PCDHGB4: variants seen among roughly 807,000 people sequenced by gnomAD.
PCDHGB4 encodes protocadherin gamma-B4.
Under a neutral mutation model 60.5 loss-of-function variants are expected in PCDHGB4, and 38 were observed. The ratio of observed to expected loss-of-function variants is 0.63; its 90% CI spans 0.48 to 0.82. PCDHGB4 has a LOEUF of 0.82. Ranked by LOEUF, PCDHGB4 falls within the 40% of genes least tolerant of loss-of-function variation. The pLI, the probability that PCDHGB4 is intolerant of heterozygous loss-of-function variation, is 0.00. For missense variants in PCDHGB4, 1,109 were observed against 1,209.6 expected (o/e 0.92, Z 1.23); for synonymous variants, 456 against 509.7 (o/e 0.89, Z 1.42).
In PCDHGB4 at chr5:141,451,935, A is replaced by G. The variant is rs148815534; in HGVS notation, c.2398-42872A>G. Among the ~76,000 whole-genome samples, 120 of 152,282 alleles carry G rather than the reference A, an allele frequency of 7.9e-4. 5 individuals carry two copies. The East Asian group carries it at 0.017, about 21-fold the overall frequency. ...GAGGAAGGAAGGGAGGTAGGGAGGC[A>G]GGGAAAGACCGAGAAAGTGACATAC... On this transcript the variant is annotated intron_variant, in intron 1 of 3. Coordinates refer to ENST00000519479, the MANE Select transcript of PCDHGB4 (RefSeq NM_003736.4).
chr5:141,459,545 T>G (rs534173050), intron 1 of PCDHGB4, among the ~76,000 whole-genome samples: 81 of 152,348 alleles, frequency 5.3e-4, no homozygotes, highest in South Asian at 1.0e-3. Context: ...TTTTTTTATT[T>G]CTCTTGGATA....
intron 1 of PCDHGB4, chr5:141,395,582 G>T (rs1200378126): frequency 5.5e-6 from 1 of 181,100 alleles, no homozygotes; most frequent in Non-Finnish European, 1.1e-5. Flanking sequence ...GTGTGTGTGT[G>T]TGTGTGTGTA....
In PCDHGB4 at chr5:141,487,456, G is replaced by A. The variant is rs1041154635; in HGVS notation, c.2398-7351G>A. Reference sequence around the variant, plus strand: ...AGCTAGGGTCAGATGACCCTATCAAGTTTGTTGATGTGGGAGGCCACTCTC... The same window carrying A: ...AGCTAGGGTCAGATGACCCTATCAAATTTGTTGATGTGGGAGGCCACTCTC... On this transcript the variant is annotated intron_variant, in intron 1 of 3. Coordinates refer to ENST00000519479, the MANE Select transcript of PCDHGB4 (RefSeq NM_003736.4). The surrounding 1 kb of genome is among the most constrained non-coding windows in gnomAD (Gnocchi z 5.0). 6.2e-7 allele frequency: 1 copy of A among 1,614,196 alleles called. No individual in the cohort carries two copies. The highest frequency in any genetic ancestry group is 8.5e-7 in the Non-Finnish European group (1 of 1,180,026).
At chr5:141,500,488 C>A (rs569168291) in intron 2 of PCDHGB4, among the ~76,000 whole-genome samples, 2 of 152,060 alleles carry the variant, frequency 1.3e-5, no homozygotes, top group East Asian at 3.9e-4. Flanking sequence ...GGATTACAGG[C>A]GTGAGCCACC....
chr5:141,505,705 GAA>G (rs1250788277), intron 3 of PCDHGB4, among the ~76,000 whole-genome samples: 1 of 152,198 alleles, frequency 6.6e-6, no homozygotes, highest in Non-Finnish European at 1.5e-5. Flanking sequence ...AGCGAACAAG[GAA>G]AAGACTCATG....
chr5:141,393,108 A>G (rs1318511234), intron 1 of PCDHGB4: 6 of 1,613,438 alleles, frequency 3.7e-6, no homozygotes, highest in Non-Finnish European at 5.1e-6. Context: ...CTGCGCTCAG[A>G]GCCCGCGGTG....
At chr5:141,474,671 A>G (rs2099352865) in intron 1 of PCDHGB4, among the ~76,000 whole-genome samples, 1 of 152,204 alleles carries the variant, frequency 6.6e-6, no homozygotes, top group South Asian at 2.1e-4. Context: ...TACCTAACCT[A>G]TGTGCCTACC....
Position 141,432,503 on chromosome 5 carries a change from G to A in PCDHGB4, c.2397+42222G>A, listed in dbSNP as rs939325676. On this transcript the variant is annotated intron_variant, in intron 1 of 3. Transcript: ENST00000519479. This position sits in a 1 kb window ranked among gnomAD's most constrained non-coding sequence, Gnocchi z 6.0. ...TGGCGTGGAGCTGGCTCCCCGCTCC[G>A]CAGAGCCCGGCTACCTGGTGACCAA... 5 of 1,613,988 alleles carry A rather than the reference G, an allele frequency of 3.1e-6. No individual in the cohort carries two copies. Among genetic ancestry groups the A allele is most frequent in the Non-Finnish European group, 2.5e-6 (3 of 1,180,038 alleles).
chr5:141,408,870 G>A (rs780987841), intron 1 of PCDHGB4: 1 of 1,613,656 alleles, frequency 6.2e-7, no homozygotes, highest in South Asian at 1.1e-5. Context: ...CCACCAAGAA[G>A]TGCCACCGCT....
rs370264318 is a variant in PCDHGB4, at chr5:141,403,767, G to C, written c.2397+13486G>C. 1.0e-4 allele frequency: 169 copies of C among 1,613,880 alleles called. No homozygotes were observed. In the East Asian group the frequency reaches 1.6e-3, roughly 16 times the overall value. Reference sequence around the variant, plus strand: ...GCAACAGCCAGCGACCTGGATGAGGGAATCAACGGAAAAGTGGCATACAAA... The same window carrying C: ...GCAACAGCCAGCGACCTGGATGAGGCAATCAACGGAAAAGTGGCATACAAA... On this transcript the variant is annotated intron_variant, in intron 1 of 3. Coordinates refer to ENST00000519479, the MANE Select transcript of PCDHGB4 (RefSeq NM_003736.4).
chr5:141,392,641 C>A, intron 1 of PCDHGB4: 2 of 655,502 alleles, frequency 3.1e-6, no homozygotes, highest in East Asian at 5.8e-5. Flanking sequence ...TCACACCTCA[C>A]GAAGACCCGC....
chr5:141,423,758 G>C lies in PCDHGB4; in HGVS notation c.2397+33477G>C, dbSNP rs1192987646. 54 of 366,760 alleles carry C rather than the reference G, an allele frequency of 1.5e-4. 3 individuals carry two copies. The highest frequency in any genetic ancestry group is 1.4e-4 in the Non-Finnish European group (36 of 259,732). 22.7% of individuals were successfully genotyped at this position (366,760 alleles called of 1,614,324 possible). A position where few individuals can be genotyped will look rare whatever the true frequency, so the allele number is the denominator to read the frequency against. Reference sequence around the variant, plus strand: ...CTGTTATGAAAACTGTTTGGGGGGGGGGTGGGGCGGCATATATTTAGTTCA... The same window carrying C: ...CTGTTATGAAAACTGTTTGGGGGGGCGGTGGGGCGGCATATATTTAGTTCA... On this transcript the variant is annotated intron_variant, in intron 1 of 3. Transcript: ENST00000519479.
intron 1 of PCDHGB4, among the ~76,000 whole-genome samples, chr5:141,407,377 C>A (rs1436703926): frequency 6.6e-6 from 1 of 152,170 alleles, no homozygotes; most frequent in Non-Finnish European, 1.5e-5. Context: ...TCCATGAAGG[C>A]TTGTATGTCA....
At chr5:141,460,411 T>TG (rs2098988114) in intron 1 of PCDHGB4, among the ~76,000 whole-genome samples, 1 of 152,212 alleles carries the variant, frequency 6.6e-6, no homozygotes, top group Non-Finnish European at 1.5e-5. Context: ...TTTGAGTTGA[T>TG]GTTTATGTAT....
intron 1 of PCDHGB4, chr5:141,427,536 G>A (rs758610182): frequency 4.8e-6 from 3 of 626,396 alleles, no homozygotes; most frequent in Middle Eastern, 2.5e-4. Flanking sequence ...GGAGTACAAC[G>A]TCACCATCAC....
intron 2 of PCDHGB4, among the ~76,000 whole-genome samples, chr5:141,502,905 A>T (rs1364939091): frequency 1.5e-5 from 2 of 131,814 alleles, no homozygotes; most frequent in Non-Finnish European, 3.0e-5. Flanking sequence ...CTCTGTTGCC[A>T]GGCTGGAGTG....
At chr5:141,478,011 G>T (rs1216659966) in intron 1 of PCDHGB4, 1 of 1,614,088 alleles carries the variant, frequency 6.2e-7, no homozygotes, top group Non-Finnish European at 8.5e-7. Flanking sequence ...AGTACTGCCC[G>T]TCCAGTCCAA....
At position 141,408,935 on chromosome 5, in the gene PCDHGB4, G is replaced by A. The variant is rs773802276; in HGVS notation, c.2397+18654G>A. 6.8e-6 allele frequency: 11 copies of A among 1,613,590 alleles called. No homozygotes were observed. Among genetic ancestry groups the A allele is most frequent in the Non-Finnish European group, 9.3e-6 (11 of 1,179,752 alleles). ...TGATAACCCCCCGGTTTTCAGCAGAGACGAATATAGAATTAGTCTTAGTGA... is the reference window on the plus strand; with the variant it reads ...TGATAACCCCCCGGTTTTCAGCAGAAACGAATATAGAATTAGTCTTAGTGA... On this transcript the variant is annotated intron_variant, in intron 1 of 3. Coordinates refer to ENST00000519479, the MANE Select transcript of PCDHGB4 (RefSeq NM_003736.4).
At chr5:141,440,443 T>A (rs979101512) in intron 1 of PCDHGB4, 2 of 152,152 alleles carry the variant, frequency 1.3e-5, no homozygotes, top group Admixed American at 1.3e-4. Flanking sequence ...CAAGGCGCCA[T>A]CTCAAAAAAA....
Sources: allele counts gnomAD v4.1 joint callset (sites outside exome capture counted in the v4.1 genomes callset), GRCh38; gene constraint gnomAD v4.1.1; non-coding constraint Gnocchi (gnomAD v3.1); transcripts MANE v1.5; gene names NCBI Gene and HGNC (gene_info 2026-07-23, HGNC 2026-07-21).